LRMDA: variants seen among roughly 807,000 people sequenced by gnomAD.
LRMDA encodes the protein leucine rich melanocyte differentiation associated, also known as leucine-rich melanocyte differentiation-associated protein.
In LRMDA, 18 loss-of-function variants were observed where a neutral mutation model predicts 29.8. That is an observed-to-expected ratio of 0.60 (90% CI 0.42 to 0.90). The LOEUF (loss-of-function observed/expected upper bound fraction) is 0.90, where lower values mean the gene tolerates loss of function less well. Ranked by LOEUF, LRMDA falls within the 40% of genes least tolerant of loss-of-function variation. LRMDA has a pLI of 0.00. For synonymous variants in LRMDA, 125 were observed against 109.4 expected (o/e 1.14, Z -0.89); for missense variants, 273 against 273.9 (o/e 1.00, Z 0.02).
intron 2 of LRMDA, among the ~76,000 whole-genome samples, chr10:75,842,795 G>C (rs1844563676): frequency 6.6e-6 from 1 of 151,990 alleles, no homozygotes; most frequent in Admixed American, 6.6e-5. Flanking sequence ...TGGGAGGCCA[G>C]GATGGGAGGA....
intron 6 of LRMDA, among the ~76,000 whole-genome samples, chr10:76,552,473 A>G (rs933318839): frequency 6.6e-6 from 1 of 152,198 alleles, no homozygotes; most frequent in Non-Finnish European, 1.5e-5. Context: ...ACTTAGTCCA[A>G]ATCAATTTTT....
chr10:75,622,488 CAT>C (rs981393355), intron 2 of LRMDA, among the ~76,000 whole-genome samples: 13 of 152,134 alleles, frequency 8.5e-5, no homozygotes, highest in African/African-American at 3.1e-4. Context: ...TCTGCAAAGT[CAT>C]ATGTTTTTAG....
rs149466629 is a variant in LRMDA at position 76,156,154 on chromosome 10, T to C, written c.516+97371T>C. Reference sequence around the variant, plus strand: ...CTGACAGCCTCTGGCTAATTGGAAGTGTCGGTGTTATTGTGCTTAGGTTAA... The same window carrying C: ...CTGACAGCCTCTGGCTAATTGGAAGCGTCGGTGTTATTGTGCTTAGGTTAA... On this transcript the variant is annotated intron_variant, in intron 5 of 6. Transcript: ENST00000611255. Among the ~76,000 whole-genome samples, 256 of 152,224 alleles carry C rather than the reference T, an allele frequency of 1.7e-3. 1 individual carries two copies. The highest frequency in any genetic ancestry group is 5.7e-3 in the African/African-American group (235 of 41,552).
At chr10:75,431,849 TC>T (rs1844202320) in intron 1 of LRMDA, 95 bp downstream of exon 1, 1 of 1,170,366 alleles carries the variant, frequency 8.5e-7, no homozygotes, top group Non-Finnish European at 1.1e-6. Context: ...GACACCCCTG[TC>T]CCCGCCTCAG....
chr10:75,572,268 T>C (rs2132070852), intron 2 of LRMDA, among the ~76,000 whole-genome samples: 1 of 152,216 alleles, frequency 6.6e-6, no homozygotes, highest in Admixed American at 6.5e-5. Context: ...TATTTTTTAA[T>C]AATCAACACT....
chr10:75,893,602 C>G (rs1316752403), intron 2 of LRMDA, among the ~76,000 whole-genome samples: 2 of 152,128 alleles, frequency 1.3e-5, no homozygotes, highest in African/African-American at 4.8e-5. Context: ...AACTGAGATG[C>G]CTGTGCCCAG....
intron 5 of LRMDA, among the ~76,000 whole-genome samples, chr10:76,214,083 A>G (rs891754380): frequency 3.3e-5 from 5 of 152,100 alleles, no homozygotes; most frequent in Admixed American, 1.3e-4. Context: ...TTGAATTTCA[A>G]CTAAATGCTC....
intron 2 of LRMDA, among the ~76,000 whole-genome samples, chr10:75,813,822 T>G (rs1844008007): frequency 6.6e-6 from 1 of 152,228 alleles, no homozygotes; most frequent in African/African-American, 2.4e-5. Context: ...TACCCTATGC[T>G]TGCTCTAACC....
rs115323733 is a variant in LRMDA, at chr10:75,901,422, C to T, written c.132-134586C>T. The stretch of plus-strand genomic sequence containing the variant: ...ATGCTTGACTTATTTCATTTATTTT[C>T]TCCCAAAACCTAAATGAGGATAAAG... On this transcript the variant is annotated intron_variant, in intron 2 of 6. Coordinates refer to ENST00000611255, the MANE Select transcript of LRMDA (RefSeq NM_001305581.2). Among the ~76,000 whole-genome samples, 431 of 151,762 alleles carry T rather than the reference C, an allele frequency of 2.8e-3. 1 individual carries two copies. The highest frequency in any genetic ancestry group is 0.01 in the African/African-American group (426 of 41,310).
chr10:75,790,936 T>C (rs563416117), intron 2 of LRMDA, among the ~76,000 whole-genome samples: 2 of 152,356 alleles, frequency 1.3e-5, no homozygotes, highest in African/African-American at 4.8e-5. Flanking sequence ...AAATAGGGTT[T>C]TCTTCTGGGG....
At chr10:75,782,822 A>C in intron 2 of LRMDA, 1 of 1,456,102 alleles carries the variant, frequency 6.9e-7, no homozygotes, top group Middle Eastern at 1.9e-4. Flanking sequence ...ACCTTTAGCC[A>C]GCGCCGGCGT....
intron 5 of LRMDA, among the ~76,000 whole-genome samples, chr10:76,180,901 G>C (rs977560821): frequency 6.6e-6 from 1 of 152,118 alleles, no homozygotes; most frequent in African/African-American, 2.4e-5. Flanking sequence ...CTGAGTTTAG[G>C]GGTGGGAACA....
Position 76,074,778 on chromosome 10 carries a change from G to A in LRMDA, c.516+15995G>A, listed in dbSNP as rs1182599281. Among the ~76,000 whole-genome samples, 4 of 152,088 alleles carry A rather than the reference G, an allele frequency of 2.6e-5. No individual in the cohort carries two copies. In the East Asian group the frequency reaches 5.8e-4, roughly 22 times the overall value. ...TAGGTGAAATTCATTGACCCTTGAT[G>A]TGTTATGGAAAGAATATTGGTTGAG... On this transcript the variant is annotated intron_variant, in intron 5 of 6. Transcript: ENST00000611255.
At chr10:76,153,078 A>T (rs1479131235) in intron 5 of LRMDA, among the ~76,000 whole-genome samples, 1 of 152,144 alleles carries the variant, frequency 6.6e-6, no homozygotes, top group Non-Finnish European at 1.5e-5. Flanking sequence ...TGACCTCGTG[A>T]TCTGCCCACC....
chr10:75,787,067 A>G (rs1451220285), intron 2 of LRMDA, among the ~76,000 whole-genome samples: 1 of 152,196 alleles, frequency 6.6e-6, no homozygotes, highest in Non-Finnish European at 1.5e-5. Context: ...GGACTTAACC[A>G]CCAGGTTGCT....
At chr10:75,574,907 A>G (rs1840483619) in intron 2 of LRMDA, among the ~76,000 whole-genome samples, 1 of 152,198 alleles carries the variant, frequency 6.6e-6, no homozygotes, top group Non-Finnish European at 1.5e-5. Context: ...TTTATAAAGA[A>G]AAGAGGTTTA....
chr10:76,186,779 TTCTA>T (rs1851158273), intron 5 of LRMDA, among the ~76,000 whole-genome samples: 1 of 152,302 alleles, frequency 6.6e-6, no homozygotes, highest in Non-Finnish European at 1.5e-5. Context: ...GGAACTGACA[TTCTA>T]TCTAACATCT....
intron 5 of LRMDA, among the ~76,000 whole-genome samples, chr10:76,087,199 C>T (rs1251250634): frequency 6.6e-6 from 1 of 152,080 alleles, no homozygotes; most frequent in African/African-American, 2.4e-5. Flanking sequence ...CTCGTTGTAG[C>T]AGGGAAAACA....
At chr10:76,218,012 G>T (rs1397764898) in intron 5 of LRMDA, among the ~76,000 whole-genome samples, 1 of 152,154 alleles carries the variant, frequency 6.6e-6, no homozygotes, top group South Asian at 2.1e-4. Context: ...TGCCATCTTT[G>T]TGACCTTCCC....
Sources: allele counts gnomAD v4.1 joint callset (sites outside exome capture counted in the v4.1 genomes callset), GRCh38; gene constraint gnomAD v4.1.1; transcripts MANE v1.5; gene names NCBI Gene and HGNC (gene_info 2026-07-23, HGNC 2026-07-21).